Variants in ZNF713 observed in about 807,000 individuals in gnomAD.
The protein encoded by ZNF713 is zinc finger protein 713.
ZNF713 carries 21 observed loss-of-function variants against 28.7 expected under a neutral mutation model. That is an observed-to-expected ratio of 0.73 (90% CI 0.52 to 1.05). The LOEUF (loss-of-function observed/expected upper bound fraction) is 1.05. ZNF713 is among the 50% of genes least tolerant of loss of function. The pLI, the probability that ZNF713 is intolerant of heterozygous loss-of-function variation, is 0.00. For missense variants in ZNF713, 458 were observed against 532.4 expected (o/e 0.86, Z 1.37); for synonymous variants, 167 against 178.0 (o/e 0.94, Z 0.49).
In ZNF713 at chr7:55,892,555, C is replaced by CAAAAAAAAAAA. The variant is rs56338467; in HGVS notation, c.-583+4888_-583+4898dup. Among the ~76,000 whole-genome samples the CAAAAAAAAAAA allele has an allele frequency of 2.8e-4, 21 of 74,358 alleles. 1 individual carries two copies. The highest frequency in any genetic ancestry group is 1.2e-3 in the South Asian group (2 of 1,676). The allele number at this position is 74,358 out of a possible 152,430, so 48.8% of individuals were successfully genotyped here. On this transcript the variant is annotated intron_variant, in intron 1 of 6. Transcript: ENST00000429591. ...TGAAGGTTTGCTGAAAAGCACTGACCAAAAAAAAAAAAAAAAAAAAAAACA... is the reference window on the plus strand; with the variant it reads ...TGAAGGTTTGCTGAAAAGCACTGACCAAAAAAAAAAAAAAAAAAAAAAAAAAAAAAAAAACA...
intron 4 of ZNF713, among the ~76,000 whole-genome samples, chr7:55,914,803 A>C (rs1175129967): frequency 6.6e-6 from 1 of 152,158 alleles, no homozygotes; most frequent in Non-Finnish European, 1.5e-5. Flanking sequence ...GGTGTATATT[A>C]GTGCTTTGGG....
intron 6 of ZNF713, among the ~76,000 whole-genome samples, chr7:55,932,022 C>T (rs1786220114): frequency 6.6e-6 from 1 of 152,154 alleles, no homozygotes; most frequent in African/African-American, 2.4e-5. Context: ...CAACAGAAGC[C>T]TTTTGGCTGA....
chr7:55,931,575 T>TCTCTCCCTCCTTCTTTCCCTCTCTC lies in ZNF713; in HGVS notation c.308-7355_308-7331dup, dbSNP rs1352473572. On this transcript the variant is annotated intron_variant, in intron 6 of 6. Transcript: ENST00000429591. ...TCTCTCCCTCCTTTCCCTCTCTTCT[T>TCTCTCCCTCCTTCTTTCCCTCTCTC]CTCTCCCTCCTTCTTTCCCTCTCTC... is the stretch of plus-strand genomic sequence containing the variant. Among the ~76,000 whole-genome samples, 85 of 150,686 alleles carry TCTCTCCCTCCTTCTTTCCCTCTCTC rather than the reference T, an allele frequency of 5.6e-4. 2 individuals are homozygous for TCTCTCCCTCCTTCTTTCCCTCTCTC. The highest frequency in any genetic ancestry group is 6.5e-4 in the Non-Finnish European group (44 of 67,560).
chr7:55,941,495 G>A lies in ZNF713; in HGVS notation c.*1489G>A, dbSNP rs1417820424. On this transcript the variant is annotated 3_prime_UTR_variant, in exon 7 of 7. Transcript: ENST00000429591. ...AAAATTTAAAAATAAAGGCGATGCT[G>A]TAGTGCAGCCAGTCACATTAACTTG... 2 of 151,456 alleles carry A rather than the reference G, an allele frequency of 1.3e-5. No individual in the cohort carries two copies. Among genetic ancestry groups the A allele is most frequent in the African/African-American group, 2.4e-5 (1 of 41,224 alleles). 9.4% of individuals were successfully genotyped at this position (151,456 alleles called of 1,614,324 possible).
intron 6 of ZNF713, among the ~76,000 whole-genome samples, chr7:55,926,972 T>C (rs184248890): frequency 8.6e-5 from 13 of 151,898 alleles, no homozygotes; most frequent in Admixed American, 3.3e-4. Context: ...TGAAACTCCA[T>C]CTCTACTAAA....
chr7:55,893,887 G>A (rs908269572), intron 1 of ZNF713, among the ~76,000 whole-genome samples: 5 of 152,098 alleles, frequency 3.3e-5, no homozygotes, highest in African/African-American at 1.2e-4. Flanking sequence ...GCCAAGGGTT[G>A]TTGTTTCTAT....
chr7:55,888,731 A>G (rs1209527609), intron 1 of ZNF713, among the ~76,000 whole-genome samples: 1 of 49,216 alleles, frequency 2.0e-5, no homozygotes, highest in Non-Finnish European at 3.4e-5. Context: ...CTGAATACAT[A>G]TACGTACATA....
Position 55,939,585 on chromosome 7 carries a change from A to C in ZNF713, c.911A>C (p.His304Pro), listed in dbSNP as rs1237158560. 6.2e-7 allele frequency: 1 copy of C among 1,614,162 alleles called. No individual in the cohort carries two copies. Among genetic ancestry groups the C allele is most frequent in the East Asian group, 2.2e-5 (1 of 44,878 alleles). Residue 304 changes from histidine (H) to proline (P), a missense_variant, in exon 7 of 7, where the codon CAT (histidine) becomes CCT (proline). Coordinates refer to ENST00000429591, the MANE Select transcript of ZNF713 (RefSeq NM_182633.3). ...AGCCAGAGGATACATCTCATTCAAC[A>C]TCAGAGAATTCACACAGGAGAAAAG... ...RFSQRIHLIQ[H>P]QRIHTGEKPF... is the part of the protein sequence containing the mutation.
At position 55,892,144 on chromosome 7, in the gene ZNF713, GTGGC is replaced by G. The variant is rs557908802; in HGVS notation, c.-583+4465_-583+4468del. On this transcript the variant is annotated intron_variant, in intron 1 of 6. Coordinates refer to ENST00000429591, the MANE Select transcript of ZNF713 (RefSeq NM_182633.3). ...ACTACAAAAAAATTAGCTGGGCCTG[GTGGC>G]GGGCGCCTGTAGTCCCAGCTACAGG... Among the ~76,000 whole-genome samples, 701 of 152,048 alleles carry G rather than the reference GTGGC, an allele frequency of 4.6e-3. 4 individuals carry two copies. Among genetic ancestry groups the G allele is most frequent in the Middle Eastern group, 0.017 (5 of 292 alleles).
chr7:55,900,913 C>T (rs759869378), intron 1 of ZNF713, among the ~76,000 whole-genome samples: 7 of 152,148 alleles, frequency 4.6e-5, no homozygotes, highest in Non-Finnish European at 1.0e-4. Context: ...TCAAGTGATC[C>T]ACCCACCTTG....
Position 55,887,587 on chromosome 7 carries a change from C to A in ZNF713, c.-676C>A. On this transcript the variant is annotated 5_prime_UTR_variant, in exon 1 of 7. Transcript: ENST00000429591. ...CTGCGGGGCCCTCGGCACCTTCTCC[C>A]TCCCGGGTCCACCGCGGCGGCGGCG... The A allele has an allele frequency of 5.2e-6, 1 of 190,578 alleles. No homozygotes were observed. The highest frequency in any genetic ancestry group is 1.0e-5 in the Non-Finnish European group (1 of 98,392). The allele number at this position is 190,578 out of a possible 1,614,324, so 11.8% of individuals were successfully genotyped here. A position where few individuals can be genotyped will look rare whatever the true frequency, so the allele number is the denominator to read the frequency against.
At chr7:55,904,900 T>C (rs147447296) in intron 1 of ZNF713, among the ~76,000 whole-genome samples, 2,065 of 152,222 alleles carry the variant, frequency 0.014, 46 homozygotes, top group African/African-American at 0.047. Flanking sequence ...CTAATTTTTG[T>C]ACTTTTAGTA....
At position 55,940,644 on chromosome 7, in the gene ZNF713, G is replaced by C; in HGVS notation, c.*638G>C. 1 of 808,034 alleles carries C rather than the reference G, an allele frequency of 1.2e-6. No individual in the cohort carries two copies. The highest frequency in any genetic ancestry group is 1.5e-6 in the Non-Finnish European group (1 of 668,984). The allele number at this position is 808,034 out of a possible 1,614,324, so 50.1% of individuals were successfully genotyped here. A position where few individuals can be genotyped will look rare whatever the true frequency, so the allele number is the denominator to read the frequency against. On this transcript the variant is annotated 3_prime_UTR_variant, in exon 7 of 7. Coordinates refer to ENST00000429591, the MANE Select transcript of ZNF713 (RefSeq NM_182633.3). ...CAATCCCAGCTACTCTGGAGACTGA[G>C]GCATGAGAATGACTTGAACATGGGA...
rs55656709 is a variant in ZNF713 at position 55,919,490 on chromosome 7, G to GTTTTTTTTTTTTT, written c.88-3651_88-3639dup. Among the ~76,000 whole-genome samples, 172 of 66,746 alleles carry GTTTTTTTTTTTTT rather than the reference G, an allele frequency of 2.6e-3. 12 individuals are homozygous for GTTTTTTTTTTTTT. The highest frequency in any genetic ancestry group is 4.0e-3 in the Non-Finnish European group (128 of 32,210). The allele number at this position is 66,746 out of a possible 152,430, so 43.8% of individuals were successfully genotyped here. A position where few individuals can be genotyped will look rare whatever the true frequency, so the allele number is the denominator to read the frequency against. On this transcript the variant is annotated intron_variant, in intron 4 of 6. Coordinates refer to ENST00000429591, the MANE Select transcript of ZNF713 (RefSeq NM_182633.3). ...GCTGGATAAATTGGTAAACACTCCA[G>GTTTTTTTTTTTTT]TTTTTTTTTTTTTTTTTTTTTTTTT...
In ZNF713 at chr7:55,939,661, T is replaced by C. The variant is rs1786424302; in HGVS notation, c.987T>C (p.Phe329=). The stretch of plus-strand genomic sequence containing the variant: ...AAGCCTTCCGTCAGCATTCATCCTT[T>C]ACTCAACATCTGAGGATTCATACTG... The part of the protein sequence containing the change: ...CGKAFRQHSS[F]TQHLRIHTGE... The change falls in exon 7 of 7, where the codon TTT becomes TTC. Residue 329 remains phenylalanine, a synonymous_variant. Coordinates refer to ENST00000429591, the MANE Select transcript of ZNF713 (RefSeq NM_182633.3). The C allele has an allele frequency of 3.7e-6, 6 of 1,614,216 alleles. No homozygotes were observed. In the Admixed American group the frequency reaches 8.3e-5, roughly 22 times the overall value.
In ZNF713 at chr7:55,939,894, T is replaced by C. The variant is rs1432565511; in HGVS notation, c.1220T>C (p.Phe407Ser). 1.2e-6 allele frequency: 2 copies of C among 1,614,076 alleles called. No homozygotes were observed. The highest frequency in any genetic ancestry group is 4.5e-5 in the East Asian group (2 of 44,878). ...PYKCNECGKA[F>S]SQSAHLNQHR... ...AAATGTAATGAATGCGGGAAAGCCT[T>C]TAGCCAGAGTGCACACCTTAATCAA... The change falls in exon 7 of 7, where the codon TTT becomes TCT. Residue 407 changes from phenylalanine to serine, a missense_variant. Physicochemically the swap from Phe to Ser is radical, Grantham distance 155. Transcript: ENST00000429591.
chr7:55,923,407 A>G (rs1012366273), intron 5 of ZNF713, 119 bp downstream of exon 5: 1 of 1,371,218 alleles, frequency 7.3e-7, no homozygotes. Flanking sequence ...AATGCTAATC[A>G]GTTTTGGAGT....
chr7:55,914,219 C>T (rs574706544), intron 4 of ZNF713, among the ~76,000 whole-genome samples: 12 of 151,838 alleles, frequency 7.9e-5, no homozygotes, highest in Admixed American at 1.3e-4. Context: ...TTTTATGGAT[C>T]GCTAGTTTAG....
At chr7:55,924,969 A>G (rs1786068818) in intron 6 of ZNF713, 1 of 151,534 alleles carries the variant, frequency 6.6e-6, no homozygotes, top group Non-Finnish European at 1.5e-5. Context: ...TTGGCTTTAT[A>G]CTCTCTTCTT....
Sources: allele counts gnomAD v4.1 joint callset (sites outside exome capture counted in the v4.1 genomes callset), GRCh38; gene constraint gnomAD v4.1.1; transcripts MANE v1.5; gene names NCBI Gene and HGNC (gene_info 2026-07-23, HGNC 2026-07-21).